The following RGS7 variants were observed in gnomAD, a reference collection of about 807,000 sequenced individuals.
RGS7 encodes regulator of G protein signaling 7, also known as regulator of G-protein signaling 7.
In RGS7, 27 loss-of-function variants were observed where a neutral mutation model predicts 81.1. That is an observed-to-expected ratio of 0.33 (90% CI 0.25 to 0.46). The LOEUF (loss-of-function observed/expected upper bound fraction) is 0.46, where lower values mean the gene tolerates loss of function less well. Among genes scored for constraint, RGS7 ranks in the 20% least tolerant of loss-of-function variants. The pLI, the probability that RGS7 is intolerant of heterozygous loss-of-function variation, is 1.00. For missense variants in RGS7, 396 were observed against 607.4 expected, an observed-to-expected ratio of 0.65 and a Z score of 3.66; for synonymous variants, 208 against 207.7, an observed-to-expected ratio of 1.00 and a Z score of -0.01.
In RGS7 at chr1:241,156,270, T is replaced by C. The variant is rs188325425; in HGVS notation, c.79-57508A>G. On this transcript the variant is annotated intron_variant, in intron 2 of 18. Coordinates refer to ENST00000440928, the MANE Select transcript of RGS7 (RefSeq NM_001364886.1). ...CCTTTAGGAGCCTGAAGCTGGAGGA[T>C]TGCTTGAGCCCAGGAGTTCAGGAGT... 2.1e-3 allele frequency among the ~76,000 whole-genome samples: 326 copies of C among 151,844 alleles called. 2 individuals carry two copies. Among genetic ancestry groups the C allele is most frequent in the African/African-American group, 7.6e-3 (313 of 41,392 alleles).
rs114018049 is a variant in RGS7, at chr1:241,312,519, G to A, written c.78+43180C>T. 4.8e-3 allele frequency among the ~76,000 whole-genome samples: 730 copies of A among 152,174 alleles called. 1 individual carries two copies. Among genetic ancestry groups the A allele is most frequent in the African/African-American group, 0.016 (666 of 41,496 alleles). The stretch of plus-strand genomic sequence containing the variant: ...TTGCATTATTATGATATCTGTGATG[G>A]TGATCTGTGATCAGTGATCTTTGAT... On this transcript the variant is annotated intron_variant, in intron 2 of 18. Coordinates refer to ENST00000440928, the MANE Select transcript of RGS7 (RefSeq NM_001364886.1).
Position 240,911,151 on chromosome 1 carries a change from A to G in RGS7, c.385+19566T>C, listed in dbSNP as rs572580858. On this transcript the variant is annotated intron_variant, in intron 6 of 18. Coordinates refer to ENST00000440928, the MANE Select transcript of RGS7 (RefSeq NM_001364886.1). ...TGAAGCTTCCCTTTAATTCCCAAAT[A>G]AATCCAACTCCCTTCCATATTGAAC... 2.6e-5 allele frequency among the ~76,000 whole-genome samples: 4 copies of G among 152,210 alleles called. No homozygotes were observed. The South Asian group carries it at 8.3e-4, about 32-fold the overall frequency.
chr1:241,167,495 G>A (rs2070354182), intron 2 of RGS7, among the ~76,000 whole-genome samples: 1 of 152,016 alleles, frequency 6.6e-6, no homozygotes, highest in South Asian at 2.1e-4. Context: ...ATTTCCACAG[G>A]GACAGCTGTA....
At chr1:241,284,854 TC>T (rs1288412155) in intron 2 of RGS7, among the ~76,000 whole-genome samples, 23 of 152,166 alleles carry the variant, frequency 1.5e-4, no homozygotes, top group African/African-American at 5.5e-4. Context: ...TTTCTGTCTT[TC>T]TTTGTTTTTT....
chr1:241,023,154 TTG>T (rs2059620442), intron 3 of RGS7, among the ~76,000 whole-genome samples: 1 of 150,422 alleles, frequency 6.6e-6, no homozygotes, highest in Admixed American at 6.6e-5. Context: ...TGAGATATAG[TTG>T]TCATAATGAT....
chr1:241,067,245 G>A (rs867864742), intron 3 of RGS7, among the ~76,000 whole-genome samples: 2 of 152,064 alleles, frequency 1.3e-5, no homozygotes, highest in Non-Finnish European at 2.9e-5. Context: ...GGAAGCTTTC[G>A]AAGTATAAGG....
At chr1:240,946,479 C>T (rs1172245102) in intron 4 of RGS7, among the ~76,000 whole-genome samples, 3 of 151,936 alleles carry the variant, frequency 2.0e-5, no homozygotes, top group Admixed American at 6.6e-5. Context: ...TGGTGGTGCA[C>T]ACCTGTGGTC....
intron 2 of RGS7, among the ~76,000 whole-genome samples, chr1:241,226,351 T>G (rs2075308905): frequency 6.6e-6 from 1 of 152,226 alleles, no homozygotes; most frequent in African/African-American, 2.4e-5. Flanking sequence ...CATTCTTGTC[T>G]ATGGGCACCT....
chr1:240,898,888 A>C (rs1323738728), intron 6 of RGS7, among the ~76,000 whole-genome samples: 2 of 152,176 alleles, frequency 1.3e-5, no homozygotes, highest in East Asian at 3.9e-4. Context: ...TGGGATGTTA[A>C]AATCTCCCAT....
At chr1:241,221,071 G>A (rs1344497075) in intron 2 of RGS7, among the ~76,000 whole-genome samples, 1 of 132,540 alleles carries the variant, frequency 7.5e-6, no homozygotes, top group African/African-American at 2.9e-5. Context: ...GAGAGAGAGA[G>A]AAAGGAAGGA....
In RGS7 at chr1:240,814,788, G is replaced by T. The variant is rs567560105; in HGVS notation, c.784-11C>A. The T allele has an allele frequency of 6.6e-7, 1 of 1,524,002 alleles. No individual in the cohort carries two copies. The highest frequency in any genetic ancestry group is 9.1e-7 in the Non-Finnish European group (1 of 1,098,552). 94.4% of individuals were successfully genotyped at this position (1,524,002 alleles called of 1,614,324 possible). A position where few individuals can be genotyped will look rare whatever the true frequency, so the allele number is the denominator to read the frequency against. On this transcript the variant is annotated splice_polypyrimidine_tract_variant and intron_variant, in intron 11 of 18. Coordinates refer to ENST00000440928, the MANE Select transcript of RGS7 (RefSeq NM_001364886.1). ...TTGCCAATATTTTATCTGAAAAGAGGGTTAGAGAAGGAGTTACATAAGTAA... is the reference window on the plus strand; with the variant it reads ...TTGCCAATATTTTATCTGAAAAGAGTGTTAGAGAAGGAGTTACATAAGTAA...
At chr1:241,055,263 A>G (rs1275205521) in intron 3 of RGS7, among the ~76,000 whole-genome samples, 1 of 152,132 alleles carries the variant, frequency 6.6e-6, no homozygotes, top group African/African-American at 2.4e-5. Flanking sequence ...TCAGCCCACA[A>G]GACTGCCTCC....
intron 2 of RGS7, among the ~76,000 whole-genome samples, chr1:241,227,171 C>A (rs560447984): frequency 6.6e-6 from 1 of 152,120 alleles, no homozygotes; most frequent in African/African-American, 2.4e-5. Context: ...ACAGGATACA[C>A]CCACGTGCAC....
intron 18 of RGS7, among the ~76,000 whole-genome samples, chr1:240,791,897 C>T (rs1686074770): frequency 6.6e-6 from 1 of 152,186 alleles, no homozygotes; most frequent in South Asian, 2.1e-4. Context: ...TTCTGCTTAA[C>T]TCTTTTTCAT....
intron 2 of RGS7, among the ~76,000 whole-genome samples, chr1:241,121,710 CTTTTTTTTTT>C (rs10681773): frequency 1.5e-5 from 1 of 66,412 alleles, no homozygotes; most frequent in Non-Finnish European, 2.7e-5. Flanking sequence ...TGCAATTGTT[CTTTTTTTTTT>C]TTTTTTTTTT....
intron 9 of RGS7, among the ~76,000 whole-genome samples, chr1:240,840,280 T>TTTTC (rs1657683978): frequency 7.1e-6 from 1 of 141,116 alleles, no homozygotes. Flanking sequence ...TTTTCTTTTC[T>TTTTC]TTTTTTTTTT....
intron 2 of RGS7, among the ~76,000 whole-genome samples, chr1:241,172,223 C>CT (rs1270519404): frequency 2.7e-5 from 4 of 145,624 alleles, no homozygotes; most frequent in African/African-American, 5.4e-5. Context: ...CCAAGTTATT[C>CT]TTTTTTTAAA....
intron 2 of RGS7, among the ~76,000 whole-genome samples, chr1:241,241,484 C>T (rs1380495259): frequency 6.6e-6 from 1 of 152,146 alleles, no homozygotes; most frequent in Admixed American, 6.5e-5. Context: ...GGCTTAAACA[C>T]CACAGAGCAA....
intron 2 of RGS7, among the ~76,000 whole-genome samples, chr1:241,335,279 T>G (rs887780382): frequency 4.6e-5 from 7 of 152,294 alleles, no homozygotes; most frequent in Non-Finnish European, 5.9e-5. Flanking sequence ...GAATTAAGAT[T>G]CAACAGATTG....
Sources: gnomAD v4.1 joint callset for allele counts (sites outside exome capture counted in the v4.1 genomes callset) on GRCh38, gnomAD v4.1.1 for gene constraint, MANE v1.5 for transcripts, NCBI Gene and HGNC (gene_info 2026-07-23, HGNC 2026-07-21) for gene names.